DNAH8: variants seen among roughly 807,000 people sequenced by gnomAD.
The protein encoded by DNAH8 is dynein axonemal heavy chain 8.
DNAH8 carries 382 observed loss-of-function variants against 562.1 expected under a neutral mutation model. The observed-to-expected ratio is 0.68, with a 90% CI of 0.63 to 0.74. DNAH8 has a LOEUF of 0.74. Ranked by LOEUF, DNAH8 falls within the 30% of genes least tolerant of loss-of-function variation. The probability of loss-of-function intolerance (pLI) is 0.00; values close to 1 mark genes in which losing one functional copy is unlikely to be tolerated. For synonymous variants in DNAH8, 1,881 were observed against 1,919.4 expected (o/e 0.98, Z 0.52); for missense variants, 5,203 against 5,620.4 (o/e 0.93, Z 2.37).
At chr6:38,948,161 TCACAC>T (rs1761584096) in intron 80 of DNAH8, among the ~76,000 whole-genome samples, 1 of 152,150 alleles carries the variant, frequency 6.6e-6, no homozygotes, top group African/African-American at 2.4e-5. Flanking sequence ...GATGAATTGT[TCACAC>T]CACAGATATG....
chr6:38,752,113 T>A (rs1303282019), intron 9 of DNAH8, among the ~76,000 whole-genome samples: 3 of 152,192 alleles, frequency 2.0e-5, no homozygotes, highest in African/African-American at 7.2e-5. Context: ...CTTTACTATG[T>A]TGCTTCTTCA....
intron 65 of DNAH8, 74 bp from the exon 66 acceptor site, chr6:38,911,394 C>T: frequency 9.2e-6 from 10 of 1,081,344 alleles, no homozygotes; most frequent in Non-Finnish European, 1.3e-5. Context: ...ACACTGATTT[C>T]ACCTTGGGAA....
Position 38,873,289 on chromosome 6 carries a change from T to A in DNAH8, c.7533T>A (p.Tyr2511Ter). 1.2e-6 allele frequency: 2 copies of A among 1,613,758 alleles called. No individual in the cohort carries two copies. Among genetic ancestry groups the A allele is most frequent in the South Asian group, 2.2e-5 (2 of 90,950 alleles). The change falls in exon 52 of 93, where the codon TAT becomes TAA. Residue 2511 changes from tyrosine to a stop codon, truncating the protein, a stop_gained. Coordinates refer to ENST00000327475, the MANE Select transcript of DNAH8 (RefSeq NM_001206927.2). LOFTEE classifies it high-confidence loss of function. ...AAGCTGCTGTATTCCTGACACTGTA[T>A]GAGAAAGTCTTTGAAGATACATACA... ...AQEAAVFLTL[Y>*]EKVFEDTYTY...
At chr6:38,862,705 A>C (rs1776729172) in intron 44 of DNAH8, among the ~76,000 whole-genome samples, 1 of 152,200 alleles carries the variant, frequency 6.6e-6, no homozygotes, top group Non-Finnish European at 1.5e-5. Context: ...AAATGGAATC[A>C]ATCTATAATT....
At position 38,807,706 on chromosome 6, in the gene DNAH8, T is replaced by G; in HGVS notation, c.3247T>G (p.Phe1083Val). The change falls in exon 24 of 93, where the codon TTT becomes GTT. Residue 1083 changes from phenylalanine (F) to valine (V), a missense_variant. Phe to Val is a conservative substitution (Grantham distance 50). Around this residue, in one of 6 missense-constraint regions of DNAH8, gnomAD observed 2,176 missense variants for 2,365.1 expected, o/e 0.92. Coordinates refer to ENST00000327475, the MANE Select transcript of DNAH8 (RefSeq NM_001206927.2). ...TCTGGACACAATGAAAAGAAGAATA[T>G]TTGTTGCAAGGCAAGTTGAAAATAT... Reference protein sequence around the residue: ...LSLDTMKRRIFVASLYGRKQS... With the variant: ...LSLDTMKRRIVVASLYGRKQS... 6.6e-7 allele frequency: 1 copy of G among 1,518,746 alleles called. No individual in the cohort carries two copies. Among genetic ancestry groups the G allele is most frequent in the Non-Finnish European group, 8.8e-7 (1 of 1,134,868 alleles). 94.1% of individuals were successfully genotyped at this position (1,518,746 alleles called of 1,614,324 possible). A position where few individuals can be genotyped will look rare whatever the true frequency, so the allele number is the denominator to read the frequency against.
intron 9 of DNAH8, among the ~76,000 whole-genome samples, chr6:38,752,202 C>T (rs1240639142): frequency 6.6e-6 from 1 of 151,144 alleles, no homozygotes; most frequent in Non-Finnish European, 1.5e-5. Flanking sequence ...CTCTCTCTGT[C>T]ACCCAGGCTG....
chr6:38,929,419 C>A, intron 74 of DNAH8, 92 bp from the exon 75 acceptor site: 2 of 1,288,434 alleles, frequency 1.6e-6, no homozygotes, highest in Non-Finnish European at 1.0e-6. Flanking sequence ...CCTTAAAATT[C>A]TTGATTACCT....
At chr6:38,734,331 C>CCCA (rs1310385898) in intron 4 of DNAH8, 143 bp from the exon 5 acceptor site, 9 of 769,626 alleles carry the variant, frequency 1.2e-5, no homozygotes, top group Non-Finnish European at 1.6e-5. Flanking sequence ...AGTAGACCCC[C>CCCA]CCCCAAAAAA....
rs1263045958 is a variant in DNAH8 at position 38,851,673 on chromosome 6, A to G, written c.5465A>G (p.Gln1822Arg). Residue 1822 changes from glutamine to arginine, a missense_variant and splice_region_variant, in exon 39 of 93, where the codon CAG becomes CGG. By Grantham distance (43) the Gln-to-Arg change is conservative. Transcript: ENST00000327475. ...LGQASDSHTIQPHLPAVSDNI... is the reference protein window; with the variant it reads ...LGQASDSHTIRPHLPAVSDNI... ...CAAGCCAGTGATTCCCACACCATAC[A>G]GGTATAATCTAAGAATCTGTGATCT... The G allele has an allele frequency of 1.3e-6, 2 of 1,582,194 alleles. No individual in the cohort carries two copies. The highest frequency in any genetic ancestry group is 1.7e-6 in the Non-Finnish European group (2 of 1,154,130).
chr6:38,837,454 G>A (rs1774390902), intron 32 of DNAH8, among the ~76,000 whole-genome samples: 1 of 152,122 alleles, frequency 6.6e-6, no homozygotes, highest in African/African-American at 2.4e-5. Flanking sequence ...CATTAACTTT[G>A]GTGATTTAAG....
intron 12 of DNAH8, among the ~76,000 whole-genome samples, chr6:38,772,970 A>ATTTTTTTTTTT (rs1491433852): frequency 6.1e-5 from 4 of 65,450 alleles, no homozygotes; most frequent in Admixed American, 1.6e-4. Context: ...AGCTAATTAA[A>ATTTTTTTTTTT]CTTTTTTTTT....
intron 70 of DNAH8, among the ~76,000 whole-genome samples, 193 bp from the exon 71 acceptor site, chr6:38,921,176 C>A (rs1364784266): frequency 6.6e-6 from 1 of 152,182 alleles, no homozygotes; most frequent in East Asian, 1.9e-4. Context: ...GCCACCACAC[C>A]TGGCCAGTAA....
intron 82 of DNAH8, among the ~76,000 whole-genome samples, chr6:38,958,309 G>A (rs1483607672): frequency 6.7e-6 from 1 of 150,236 alleles, no homozygotes; most frequent in African/African-American, 2.5e-5. Flanking sequence ...CCGGCCGATA[G>A]AAATTTTTAA....
Position 38,850,418 on chromosome 6 carries a change from A to G in DNAH8, c.5363+4A>G, listed in dbSNP as rs745592082. ...TATGTCAGAAGTCACTCACAGGGTA[A>G]GAGTTTAATTTTTAAATCACATATC... On this transcript the variant is annotated splice_donor_region_variant and intron_variant, in intron 38 of 92. Coordinates refer to ENST00000327475, the MANE Select transcript of DNAH8 (RefSeq NM_001206927.2). The G allele has an allele frequency of 1.2e-6, 2 of 1,609,622 alleles. 1 individual carries two copies. Among genetic ancestry groups the G allele is most frequent in the South Asian group, 2.2e-5 (2 of 90,122 alleles).
At chr6:38,859,940 A>G (rs987267289) in intron 42 of DNAH8, among the ~76,000 whole-genome samples, 4 of 152,100 alleles carry the variant, frequency 2.6e-5, no homozygotes, top group Admixed American at 6.5e-5. Context: ...CTTTCTCTAG[A>G]TCCCGGGATG....
At chr6:38,971,866 A>G (rs1408563375) in intron 83 of DNAH8, 1 of 401,610 alleles carries the variant, frequency 2.5e-6, no homozygotes, top group African/African-American at 2.1e-5. Context: ...TATATGCTCC[A>G]TTTTACCTTC....
chr6:38,766,428 C>A (rs1767005619), intron 11 of DNAH8, among the ~76,000 whole-genome samples: 1 of 152,086 alleles, frequency 6.6e-6, no homozygotes, highest in Admixed American at 6.6e-5. Flanking sequence ...TTCAGTTATG[C>A]AGGATGAATA....
intron 56 of DNAH8, among the ~76,000 whole-genome samples, chr6:38,886,193 T>G (rs1778907369): frequency 6.6e-6 from 1 of 152,008 alleles, no homozygotes; most frequent in Admixed American, 6.6e-5. Context: ...GGAGAACAGT[T>G]ACATGTGAGG....
At chr6:38,884,194 G>GT (rs1778738206) in intron 56 of DNAH8, among the ~76,000 whole-genome samples, 196 bp downstream of exon 56, 1 of 151,154 alleles carries the variant, frequency 6.6e-6, no homozygotes, top group Non-Finnish European at 1.5e-5. Context: ...TTTTGTTTTT[G>GT]TTTTTTTATT....
Sources: gnomAD v4.1 joint callset for allele counts (sites outside exome capture counted in the v4.1 genomes callset) on GRCh38, gnomAD v4.1.1 for gene constraint, gnomAD v4.1.1 regional missense constraint, MANE v1.5 for transcripts, NCBI Gene and HGNC (gene_info 2026-07-23, HGNC 2026-07-21) for gene names.